CHD9: variants seen among roughly 807,000 people sequenced by gnomAD.
CHD9 encodes ATP-dependent chromatin remodeler CHD9.
CHD9 carries 77 observed loss-of-function variants against 316.1 expected under a neutral mutation model. The ratio of observed to expected loss-of-function variants is 0.24; its 90% CI spans 0.20 to 0.29. The LOEUF is 0.29. Ranked by LOEUF, CHD9 falls within the 10% of genes least tolerant of loss-of-function variation. CHD9 has a pLI of 1.00. For missense variants in CHD9, 2,763 were observed against 3,438.1 expected (o/e 0.80, Z 4.91); for synonymous variants, 1,129 against 1,158.3 (o/e 0.97, Z 0.51).
chr16:53,178,427 C>CTTTTTTT (rs10569589), intron 2 of CHD9, among the ~76,000 whole-genome samples: 6 of 98,956 alleles, frequency 6.1e-5, no homozygotes, highest in Non-Finnish European at 8.2e-5. Flanking sequence ...TTGTTGGTTT[C>CTTTTTTT]TTTTTTTTTT....
intron 1 of CHD9, among the ~76,000 whole-genome samples, chr16:53,128,831 G>A (rs968155115): frequency 1.3e-5 from 2 of 152,088 alleles, no homozygotes; most frequent in East Asian, 3.9e-4. Flanking sequence ...TAACACAGGA[G>A]AACCCCACAG....
intron 1 of CHD9, among the ~76,000 whole-genome samples, chr16:53,112,803 CAGG>C (rs2037969930): frequency 1.3e-5 from 2 of 152,050 alleles, no homozygotes; most frequent in South Asian, 4.2e-4. Flanking sequence ...CACTTGAGTA[CAGG>C]AGTTCAAGAG....
intron 3 of CHD9, among the ~76,000 whole-genome samples, chr16:53,217,822 C>T (rs1033859417): frequency 6.6e-6 from 1 of 151,956 alleles, no homozygotes; most frequent in Non-Finnish European, 1.5e-5. Flanking sequence ...CCCAGGCTGG[C>T]CTCGAACTCC....
At chr16:53,131,568 C>A (rs2039314717) in intron 1 of CHD9, among the ~76,000 whole-genome samples, 1 of 151,482 alleles carries the variant, frequency 6.6e-6, no homozygotes, top group South Asian at 2.1e-4. Flanking sequence ...ACACGGCAGC[C>A]GCGCCTGTTG....
intron 1 of CHD9, among the ~76,000 whole-genome samples, chr16:53,113,589 G>A (rs1206480774): frequency 6.6e-6 from 1 of 152,034 alleles, no homozygotes; most frequent in African/African-American, 2.4e-5. Context: ...GGGATTACAG[G>A]TGTGAGCCAC....
At position 53,304,570 on chromosome 16, in the gene CHD9, CTCT is replaced by C. The variant is rs1567658519; in HGVS notation, c.6567_6569del (p.Ser2193del). 3.2e-6 allele frequency: 5 copies of C among 1,545,462 alleles called. No homozygotes were observed. Among genetic ancestry groups the C allele is most frequent in the Non-Finnish European group, 4.4e-6 (5 of 1,141,320 alleles). ...CCTCCACCTCTTCCTCCTCCTCCTC[CTCT>C]TCATCTTCATCAGAAGAAAGTGACA... On this transcript the variant is annotated inframe_deletion, in exon 31 of 39. Transcript: ENST00000447540.
chr16:53,082,656 G>A (rs567553132), intron 1 of CHD9, among the ~76,000 whole-genome samples: 51 of 152,336 alleles, frequency 3.3e-4, no homozygotes, highest in African/African-American at 1.1e-3. Flanking sequence ...CAGAACCCTG[G>A]AAACCTTCCC....
At position 53,094,841 on chromosome 16, in the gene CHD9, G is replaced by A. The variant is rs141299138; in HGVS notation, c.-165+39764G>A. 1.2e-4 allele frequency among the ~76,000 whole-genome samples: 19 copies of A among 152,136 alleles called. No individual in the cohort carries two copies. In the East Asian group the frequency reaches 1.7e-3, roughly 14 times the overall value. The stretch of plus-strand genomic sequence containing the variant: ...TTTAGTAGATACAGGGTTTCGCCAC[G>A]TTGGTCAGGTTGGTTTTGAACTCCT... On this transcript the variant is annotated intron_variant, in intron 1 of 38. Transcript: ENST00000447540.
chr16:53,118,759 T>A (rs17374136), intron 1 of CHD9, among the ~76,000 whole-genome samples: 40,978 of 150,742 alleles, frequency 0.27, 6,937 homozygotes, highest in Non-Finnish European at 0.38. Flanking sequence ...AAAACAAGAA[T>A]GCTTCAAAAC....
intron 1 of CHD9, among the ~76,000 whole-genome samples, chr16:53,116,350 A>G (rs968588751): frequency 6.6e-6 from 1 of 152,162 alleles, no homozygotes; most frequent in African/African-American, 2.4e-5. Flanking sequence ...GTGAGCCACC[A>G]TGCCTGGCCT....
At chr16:53,152,221 C>A (rs2041180650) in intron 1 of CHD9, among the ~76,000 whole-genome samples, 1 of 152,130 alleles carries the variant, frequency 6.6e-6, no homozygotes, top group African/African-American at 2.4e-5. Flanking sequence ...GCCTGTATTA[C>A]TTAGGTTTGT....
chr16:53,237,984 G>C (rs1415185262), intron 11 of CHD9, among the ~76,000 whole-genome samples: 1 of 152,106 alleles, frequency 6.6e-6, no homozygotes, highest in Non-Finnish European at 1.5e-5. Context: ...CTGAAAGGCA[G>C]AGAACATGTT....
chr16:53,171,073 T>C (rs1458809813), intron 2 of CHD9, among the ~76,000 whole-genome samples: 2 of 152,290 alleles, frequency 1.3e-5, no homozygotes, highest in Middle Eastern at 3.4e-3. Context: ...GTTATGCTTT[T>C]GTGTTTCTCC....
intron 1 of CHD9, among the ~76,000 whole-genome samples, chr16:53,058,400 C>T (rs1480181791): frequency 6.6e-6 from 1 of 152,132 alleles, no homozygotes; most frequent in Non-Finnish European, 1.5e-5. Context: ...ATTACAGGCT[C>T]AAGCCACAGC....
chr16:53,099,185 G>C (rs891056183), intron 1 of CHD9: 1 of 152,514 alleles, frequency 6.6e-6, no homozygotes. Flanking sequence ...GGCTCAGACA[G>C]AGCAGCTGCT....
At chr16:53,147,887 T>C (rs907432319) in intron 1 of CHD9, among the ~76,000 whole-genome samples, 2 of 152,058 alleles carry the variant, frequency 1.3e-5, no homozygotes, top group Non-Finnish European at 2.9e-5. Context: ...ATAAGGTAAT[T>C]CTCTGTTTAA....
chr16:53,247,735 A>G (rs1806429480), intron 16 of CHD9: 1 of 391,770 alleles, frequency 2.6e-6, no homozygotes, highest in African/African-American at 2.1e-5. Context: ...CTTGCAAATA[A>G]ATATTTGTTT....
intron 2 of CHD9, among the ~76,000 whole-genome samples, chr16:53,205,488 G>A (rs2045826461): frequency 1.3e-5 from 2 of 152,150 alleles, no homozygotes; most frequent in South Asian, 4.1e-4. Context: ...GGGGGGAAGG[G>A]CAGAAAAACC....
chr16:53,224,424 T>C (rs2047483897), intron 4 of CHD9, among the ~76,000 whole-genome samples: 1 of 152,224 alleles, frequency 6.6e-6, no homozygotes, highest in Non-Finnish European at 1.5e-5. Context: ...TAAAATCTTC[T>C]ATAATCTCAT....
Sources: gnomAD v4.1 joint callset for allele counts (sites outside exome capture counted in the v4.1 genomes callset) on GRCh38, gnomAD v4.1.1 for gene constraint, MANE v1.5 for transcripts, NCBI Gene and HGNC (gene_info 2026-07-23, HGNC 2026-07-21) for gene names.